GRIK1: variants seen among roughly 807,000 people sequenced by gnomAD.
GRIK1 encodes glutamate receptor ionotropic, kainate 1.
Under a neutral mutation model 105.7 loss-of-function variants are expected in GRIK1, and 69 were observed. The ratio of observed to expected loss-of-function variants is 0.65; its 90% CI spans 0.54 to 0.80. The LOEUF is 0.80. Among genes scored for constraint, GRIK1 ranks in the 30% least tolerant of loss-of-function variants. The probability of loss-of-function intolerance (pLI) is 0.00; values close to 1 mark genes in which losing one functional copy is unlikely to be tolerated. For synonymous variants in GRIK1, 438 were observed against 431.3 expected (o/e 1.02, Z -0.19); for missense variants, 1,109 against 1,167.3 (o/e 0.95, Z 0.73).
At chr21:29,887,356 T>A (rs996744895) in intron 1 of GRIK1, among the ~76,000 whole-genome samples, 1 of 152,164 alleles carries the variant, frequency 6.6e-6, no homozygotes, top group African/African-American at 2.4e-5. Context: ...AGTCAATAAA[T>A]CTGACTCCCA....
intron 1 of GRIK1, among the ~76,000 whole-genome samples, chr21:29,782,483 T>A (rs2066150619): frequency 6.6e-6 from 1 of 152,206 alleles, no homozygotes; most frequent in Non-Finnish European, 1.5e-5. Flanking sequence ...TTCTTGATTT[T>A]TCAGAAGGGC....
At chr21:29,725,238 G>A (rs1421418470) in intron 1 of GRIK1, among the ~76,000 whole-genome samples, 2 of 152,122 alleles carry the variant, frequency 1.3e-5, no homozygotes, top group East Asian at 1.9e-4. Context: ...ATGACCCTTG[G>A]CACATGCTAA....
intron 1 of GRIK1, among the ~76,000 whole-genome samples, chr21:29,863,525 C>T (rs2068712170): frequency 6.6e-6 from 1 of 152,158 alleles, no homozygotes; most frequent in South Asian, 2.1e-4. Flanking sequence ...GGCATTTAGA[C>T]ACTTTAAAAA....
At chr21:29,587,208 T>A (rs908496459) in intron 12 of GRIK1, among the ~76,000 whole-genome samples, 158 bp downstream of exon 12, 3 of 152,196 alleles carry the variant, frequency 2.0e-5, no homozygotes, top group African/African-American at 7.2e-5. Context: ...AAAACATTCA[T>A]TTACAGAACG....
At chr21:29,583,222 T>G in intron 12 of GRIK1, among the ~76,000 whole-genome samples, 1 of 152,132 alleles carries the variant, frequency 6.6e-6, no homozygotes, top group East Asian at 1.9e-4. Flanking sequence ...CCAACACATT[T>G]TAATTAATGT....
intron 1 of GRIK1, among the ~76,000 whole-genome samples, chr21:29,878,457 T>C (rs955461372): frequency 6.6e-6 from 1 of 151,948 alleles, no homozygotes; most frequent in Admixed American, 6.6e-5. Flanking sequence ...TCATCTGGAA[T>C]GGGGATGAAA....
chr21:29,854,477 G>A (rs1002294114), intron 1 of GRIK1, among the ~76,000 whole-genome samples: 3 of 151,976 alleles, frequency 2.0e-5, no homozygotes, highest in African/African-American at 7.3e-5. Flanking sequence ...GGGAAGAGAG[G>A]CCTTGAAGAA....
chr21:29,778,468 C>A (rs1019144439), intron 1 of GRIK1, among the ~76,000 whole-genome samples: 3 of 152,198 alleles, frequency 2.0e-5, no homozygotes, highest in Admixed American at 6.5e-5. Flanking sequence ...CGTGTGTATG[C>A]TGGGACTCCT....
Position 29,581,556 on chromosome 21 carries a change from A to G in GRIK1, c.1794-13T>C. On this transcript the variant is annotated splice_polypyrimidine_tract_variant and intron_variant, in intron 12 of 17. Coordinates refer to ENST00000327783, the MANE Select transcript of GRIK1 (RefSeq NM_001330994.2). ...GTAGGGTGTAAACCTGTGGTAGTTA[A>G]CAGAAACAGTCTGTAAATATCAGAG... is the stretch of plus-strand genomic sequence containing the variant. The G allele has an allele frequency of 1.4e-6, 2 of 1,435,790 alleles. No individual in the cohort carries two copies. The highest frequency in any genetic ancestry group is 2.0e-6 in the Non-Finnish European group (2 of 1,018,010). The allele number at this position is 1,435,790 out of a possible 1,614,324, so 88.9% of individuals were successfully genotyped here. A position where few individuals can be genotyped will look rare whatever the true frequency, so the allele number is the denominator to read the frequency against.
chr21:29,627,231 C>A (rs1456816174), intron 7 of GRIK1, among the ~76,000 whole-genome samples: 1 of 152,148 alleles, frequency 6.6e-6, no homozygotes, highest in Non-Finnish European at 1.5e-5. Context: ...CTCTCTTTCC[C>A]AATTAGTTGT....
chr21:29,899,814 T>A (rs56010493), intron 1 of GRIK1, among the ~76,000 whole-genome samples: 1 of 152,112 alleles, frequency 6.6e-6, no homozygotes, highest in African/African-American at 2.4e-5. Flanking sequence ...TGAACTGAGA[T>A]GGGACAGAAA....
intron 1 of GRIK1, among the ~76,000 whole-genome samples, chr21:29,719,330 CTT>C (rs918383716): frequency 2.6e-5 from 4 of 151,788 alleles, no homozygotes; most frequent in Non-Finnish European, 5.9e-5. Context: ...CCACCCAAGA[CTT>C]GAGGAATCAT....
chr21:29,793,954 G>A (rs2066491579), intron 1 of GRIK1, among the ~76,000 whole-genome samples: 1 of 152,126 alleles, frequency 6.6e-6, no homozygotes, highest in African/African-American at 2.4e-5. Context: ...GCATGGCTCT[G>A]TCCAAATTAT....
chr21:29,707,320 A>G (rs1256259403), intron 1 of GRIK1, among the ~76,000 whole-genome samples: 2 of 152,186 alleles, frequency 1.3e-5, no homozygotes, highest in African/African-American at 2.4e-5. Flanking sequence ...CTGTGAAACA[A>G]TCACTATTAA....
At chr21:29,647,748 A>G (rs1281570514) in intron 6 of GRIK1, among the ~76,000 whole-genome samples, 1 of 152,250 alleles carries the variant, frequency 6.6e-6, no homozygotes, top group African/African-American at 2.4e-5. Flanking sequence ...TGTAAACATT[A>G]TAAAAGAGAA....
At chr21:29,590,398 G>C (rs950495890) in intron 10 of GRIK1, among the ~76,000 whole-genome samples, 2 of 152,200 alleles carry the variant, frequency 1.3e-5, no homozygotes, top group East Asian at 1.9e-4. Context: ...AGGAAAAAGC[G>C]GAAAATAAGC....
chr21:29,624,431 A>C (rs902241659), intron 7 of GRIK1, among the ~76,000 whole-genome samples: 1 of 152,166 alleles, frequency 6.6e-6, no homozygotes, highest in Non-Finnish European at 1.5e-5. Flanking sequence ...GTCATTTTTT[A>C]AAGGCATTGC....
chr21:29,789,508 C>T (rs762657725), intron 1 of GRIK1, among the ~76,000 whole-genome samples: 1 of 152,180 alleles, frequency 6.6e-6, no homozygotes, highest in Non-Finnish European at 1.5e-5. Context: ...CTCCCCACTC[C>T]CCCATACCTG....
At chr21:29,605,931 T>A (rs2061605037) in intron 7 of GRIK1, among the ~76,000 whole-genome samples, 1 of 152,048 alleles carries the variant, frequency 6.6e-6, no homozygotes, top group Non-Finnish European at 1.5e-5. Flanking sequence ...AGGTTAACTT[T>A]CCTTGCTAGA....
Sources: allele counts gnomAD v4.1 joint callset (sites outside exome capture counted in the v4.1 genomes callset), GRCh38; gene constraint gnomAD v4.1.1; transcripts MANE v1.5; gene names NCBI Gene and HGNC (gene_info 2026-07-23, HGNC 2026-07-21).